Variants in KIF15 observed in about 807,000 individuals in gnomAD.
KIF15 encodes the protein kinesin family member 15.
A neutral mutation model predicts 190.6 loss-of-function variants in KIF15; 140 were observed. The ratio of observed to expected loss-of-function variants is 0.73; its 90% CI spans 0.64 to 0.84. The LOEUF (loss-of-function observed/expected upper bound fraction) is 0.84. Ranked by LOEUF, KIF15 falls within the 40% of genes least tolerant of loss-of-function variation. The pLI is 0.00. For missense variants in KIF15, 1,372 were observed against 1,584.4 expected (o/e 0.87, Z 2.28); for synonymous variants, 528 against 551.3 (o/e 0.96, Z 0.59).
chr3:44,784,272 C>G (rs1208814139), intron 5 of KIF15, among the ~76,000 whole-genome samples: 1 of 152,080 alleles, frequency 6.6e-6, no homozygotes, highest in Non-Finnish European at 1.5e-5. Context: ...CCCAGGTTCA[C>G]GCCATTCTCC....
chr3:44,814,834 T>C (rs889495096), intron 19 of KIF15, 77 bp from the exon 20 acceptor site: 36 of 1,129,476 alleles, frequency 3.2e-5, no homozygotes, highest in Non-Finnish European at 4.2e-5. Context: ...ATTTTGCTAA[T>C]TGTGGGACTA....
At chr3:44,826,340 G>A (rs577502016) in intron 21 of KIF15, 35 bp from the exon 22 acceptor site, 3 of 1,592,354 alleles carry the variant, frequency 1.9e-6, no homozygotes, top group East Asian at 2.2e-5. Flanking sequence ...TGCATTGCTA[G>A]TAACAGTTAC....
rs186564738 is a variant in KIF15 at position 44,803,915 on chromosome 3, G to A, written c.1687+924G>A. Among the ~76,000 whole-genome samples, 49 of 152,054 alleles carry A rather than the reference G, an allele frequency of 3.2e-4. 2 individuals carry two copies. The South Asian group carries it at 6.2e-3, about 19-fold the overall frequency. On this transcript the variant is annotated intron_variant, in intron 14 of 34. Coordinates refer to ENST00000326047, the MANE Select transcript of KIF15 (RefSeq NM_020242.3). ...CACCCAGGCTGTAGTGCAGTGGTGC[G>A]ATCTCGGCTCACTGCAACCTCCACC...
At chr3:44,861,796 A>G (rs1171612065) in intron 6 of KIF15, 3 of 1,089,478 alleles carry the variant, frequency 2.8e-6, no homozygotes, top group African/African-American at 3.3e-5. Flanking sequence ...GGCGCCGGAG[A>G]GCGATTCCCA....
At chr3:44,796,879 A>G (rs2125628965) in intron 8 of KIF15, among the ~76,000 whole-genome samples, 1 of 152,316 alleles carries the variant, frequency 6.6e-6, no homozygotes, top group South Asian at 2.1e-4. Flanking sequence ...ATATTTTAGC[A>G]TAAAAGGATT....
At chr3:44,801,212 AG>A (rs531706083) in intron 11 of KIF15, among the ~76,000 whole-genome samples, 6 of 125,184 alleles carry the variant, frequency 4.8e-5, no homozygotes, top group South Asian at 5.6e-4. Context: ...GGGCGGCGGG[AG>A]GGGGGGGTCT....
chr3:44,801,473 G>T lies in KIF15; in HGVS notation c.1246G>T (p.Glu416Ter), dbSNP rs1258199541. The stretch of plus-strand genomic sequence containing the variant: ...AGACAAAAAGAAGACTAACTATATG[G>T]AGTATTTCCAGGAAGCAATGTTATT... ...TRDKKKTNYM[E>*]YFQEAMLFFK... Residue 416 changes from glutamate (E) to a stop codon, truncating the protein, a stop_gained, in exon 12 of 35, where the codon GAG becomes TAG. Coordinates refer to ENST00000326047, the MANE Select transcript of KIF15 (RefSeq NM_020242.3). LOFTEE classifies it high-confidence loss of function. 11 of 1,574,520 alleles carry T rather than the reference G, an allele frequency of 7.0e-6. No homozygotes were observed. Among genetic ancestry groups the T allele is most frequent in the South Asian group, 1.1e-5 (1 of 89,738 alleles).
At position 44,764,185 on chromosome 3, in the gene KIF15, A is replaced by T. The variant is rs1705287682; in HGVS notation, c.19+2301A>T. Among the ~76,000 whole-genome samples, 2 of 152,234 alleles carry T rather than the reference A, an allele frequency of 1.3e-5. 1 individual carries two copies. The highest frequency in any genetic ancestry group is 4.1e-4 in the South Asian group (2 of 4,832). On this transcript the variant is annotated intron_variant, in intron 1 of 34. Coordinates refer to ENST00000326047, the MANE Select transcript of KIF15 (RefSeq NM_020242.3). ...ATTCAACAAATTTTTACATATAAAT[A>T]CACTAATGTAACCACCATCCAGATC...
Position 44,840,405 on chromosome 3 carries a change from C to A in KIF15, c.3369C>A (p.Phe1123Leu), listed in dbSNP as rs189625115. Residue 1123 changes from phenylalanine to leucine, a missense_variant, in exon 28 of 35, where the codon TTC becomes TTA. Phe to Leu is a conservative substitution (Grantham distance 22). Transcript: ENST00000326047. ...EVEQKKNEYN[F>L]KMRQLEHVMD... Reference sequence around the variant, plus strand: ...AACAGAAGAAGAATGAATATAACTTCAAAATGAGGCAACTAGAACATGTGA... The same window carrying A: ...AACAGAAGAAGAATGAATATAACTTAAAAATGAGGCAACTAGAACATGTGA... The A allele has an allele frequency of 1.3e-4, 209 of 1,610,690 alleles. 2 individuals are homozygous for A. The African/African-American group carries it at 2.7e-3, about 20-fold the overall frequency.
intron 1 of KIF15, among the ~76,000 whole-genome samples, chr3:44,771,853 T>A (rs754018334): frequency 2.8e-4 from 43 of 152,202 alleles, no homozygotes; most frequent in Non-Finnish European, 5.9e-4. Context: ...ATTTTTACAA[T>A]CCTTCCACTA....
rs529047625 is a variant in KIF15, at chr3:44,852,910, C to T, written c.*175C>T. The T allele has an allele frequency of 6.2e-5, 30 of 480,446 alleles. No homozygotes were observed. The highest frequency in any genetic ancestry group is 2.9e-4 in the Admixed American group (7 of 24,430). 29.8% of individuals were successfully genotyped at this position (480,446 alleles called of 1,614,324 possible). ...CTGATGAACATTCTGCATCCATATA[C>T]ACCCTGTGACAGTCAGCAGTCTGCT... On this transcript the variant is annotated 3_prime_UTR_variant, in exon 35 of 35. Coordinates refer to ENST00000326047, the MANE Select transcript of KIF15 (RefSeq NM_020242.3).
chr3:44,845,651 A>G (rs927976890), intron 30 of KIF15, among the ~76,000 whole-genome samples: 10 of 152,102 alleles, frequency 6.6e-5, no homozygotes, highest in Non-Finnish European at 1.5e-4. Context: ...TCAAAACCCT[A>G]ACAAAGTGGA....
rs1258655701 is a variant in KIF15, at chr3:44,803,016, G to A, written c.1687+25G>A. ...AGTAAGAAATGATTGTTGTATATAC[G>A]TGCCATGTAGGAAGGGGCTGTTTTA... is the stretch of plus-strand genomic sequence containing the variant. On this transcript the variant is annotated intron_variant, in intron 14 of 34. Coordinates refer to ENST00000326047, the MANE Select transcript of KIF15 (RefSeq NM_020242.3). The A allele has an allele frequency of 8.3e-6, 13 of 1,562,332 alleles. No homozygotes were observed. The Admixed American group carries it at 1.4e-4, about 17-fold the overall frequency.
intron 8 of KIF15, 128 bp downstream of exon 8, chr3:44,794,554 A>G: frequency 1.5e-6 from 1 of 654,282 alleles, no homozygotes; most frequent in Non-Finnish European, 2.6e-6. Flanking sequence ...TAAGAGTATA[A>G]TAGCTATACC....
At chr3:44,804,993 A>C (rs1394410569) in intron 14 of KIF15, 34 bp from the exon 15 acceptor site, 2 of 1,583,602 alleles carry the variant, frequency 1.3e-6, no homozygotes, top group Non-Finnish European at 1.7e-6. Context: ...CAGAAAAAAA[A>C]AAAAAAAGAC....
At chr3:44,854,167 T>C (rs544861981), downstream of KIF15, among the ~76,000 whole-genome samples, 123 of 152,162 alleles carry the variant, frequency 8.1e-4, no homozygotes, top group African/African-American at 2.9e-3. Flanking sequence ...GGTGGATCAC[T>C]TGAGGCCAGG....
At chr3:44,839,111 C>G (rs1052446423) in intron 27 of KIF15, among the ~76,000 whole-genome samples, 2 of 152,114 alleles carry the variant, frequency 1.3e-5, no homozygotes, top group African/African-American at 4.8e-5. Context: ...TGGCTCACAC[C>G]TGTAATCCCA....
chr3:44,772,002 T>G (rs1251063351), intron 1 of KIF15, among the ~76,000 whole-genome samples: 1 of 152,248 alleles, frequency 6.6e-6, no homozygotes, highest in Non-Finnish European at 1.5e-5. Context: ...TAAAGTCATG[T>G]GAACTAAAAG....
At chr3:44,794,724 A>T (rs1706888525) in intron 8 of KIF15, among the ~76,000 whole-genome samples, 1 of 152,094 alleles carries the variant, frequency 6.6e-6, no homozygotes, top group Non-Finnish European at 1.5e-5. Context: ...CACTTTGGGA[A>T]GCTGAGGCAG....
Sources: gnomAD v4.1 joint callset for allele counts (sites outside exome capture counted in the v4.1 genomes callset) on GRCh38, gnomAD v4.1.1 for gene constraint, MANE v1.5 for transcripts, NCBI Gene and HGNC (gene_info 2026-07-23, HGNC 2026-07-21) for gene names.